Variants in DNAH3 observed in about 807,000 individuals in gnomAD.
DNAH3 encodes dynein axonemal heavy chain 3, also known as axonemal beta dynein heavy chain 3.
Under a neutral mutation model 432.5 loss-of-function variants are expected in DNAH3, and 332 were observed. That is an observed-to-expected ratio of 0.77 (90% confidence interval 0.70 to 0.84). DNAH3 has a LOEUF of 0.84. Among genes scored for constraint, DNAH3 ranks in the 40% least tolerant of loss-of-function variants. The probability of loss-of-function intolerance (pLI) is 0.00; values close to 1 mark genes in which losing one functional copy is unlikely to be tolerated. For synonymous variants in DNAH3, 1,956 were observed against 1,900.2 expected, an observed-to-expected ratio of 1.03 and a Z score of -0.76; for missense variants, 4,861 against 5,114.0, an observed-to-expected ratio of 0.95 and a Z score of 1.51.
intron 51 of DNAH3, 28 bp from the exon 52 acceptor site, chr16:20,970,018 T>C (rs1438581531): frequency 1.2e-6 from 2 of 1,609,900 alleles, no homozygotes; most frequent in South Asian, 2.2e-5. Flanking sequence ...ACAAAGGAGA[T>C]GAGTGCCCAG....
exon 36 of DNAH3, chr16:21,034,040 C>G (rs771043472): frequency 6.2e-7 from 1 of 1,613,806 alleles, no homozygotes; most frequent in Non-Finnish European, 8.5e-7. Context: ...CCCATGGGGT[C>G]TCCTACAATC....
intron 12 of DNAH3, among the ~76,000 whole-genome samples, chr16:21,115,713 TAATAAAATA>T (rs1044924101): frequency 4.6e-5 from 6 of 129,876 alleles, no homozygotes; most frequent in Non-Finnish European, 6.8e-5. Flanking sequence ...TCTCAAAAAA[TAATAAAATA>T]AATAAAATAA....
intron 56 of DNAH3, among the ~76,000 whole-genome samples, chr16:20,949,305 C>A (rs1364435984): frequency 6.9e-6 from 1 of 144,486 alleles, no homozygotes; most frequent in Non-Finnish European, 1.5e-5. Context: ...CCAGCCTGGG[C>A]AACAAGAGCG....
At chr16:21,003,257 G>T in intron 41 of DNAH3, 50 bp from the exon 42 acceptor site, 1 of 1,269,090 alleles carries the variant, frequency 7.9e-7, no homozygotes, top group Non-Finnish European at 1.1e-6. Flanking sequence ...GGCTTTACTT[G>T]CCTCCCATAT....
intron 43 of DNAH3, among the ~76,000 whole-genome samples, chr16:20,999,783 A>C (rs79531020): frequency 0.01 from 1,581 of 152,298 alleles, 32 homozygotes; most frequent in African/African-American, 0.035. Context: ...CACTGTGCTT[A>C]TTTCACAAAT....
intron 15 of DNAH3, among the ~76,000 whole-genome samples, chr16:21,105,224 C>T (rs2091919871): frequency 6.6e-6 from 1 of 152,148 alleles, no homozygotes; most frequent in South Asian, 2.1e-4. Flanking sequence ...CAGTCCCCAT[C>T]TCTCCCTCCC....
At chr16:20,962,680 G>T (rs2152619319) in intron 53 of DNAH3, among the ~76,000 whole-genome samples, 1 of 152,218 alleles carries the variant, frequency 6.6e-6, no homozygotes, top group East Asian at 1.9e-4. Flanking sequence ...TTTGGGGGGA[G>T]GGGGCAGGGT....
intron 59 of DNAH3, among the ~76,000 whole-genome samples, chr16:20,937,906 G>T (rs1389087451): frequency 6.6e-6 from 1 of 152,084 alleles, no homozygotes. Flanking sequence ...AAATTCACCT[G>T]CCTCTCCCTC....
intron 44 of DNAH3, among the ~76,000 whole-genome samples, chr16:20,996,001 G>T (rs1411807619): frequency 6.6e-6 from 1 of 152,218 alleles, no homozygotes; most frequent in African/African-American, 2.4e-5. Flanking sequence ...GCTGTCAGTG[G>T]TTTGCTGTCA....
At position 21,122,129 on chromosome 16, in the gene DNAH3, A is replaced by G. The variant is rs773390245; in HGVS notation, c.1405-5T>C. On this transcript the variant is annotated splice_region_variant and splice_polypyrimidine_tract_variant and intron_variant, in intron 9 of 61. Coordinates refer to ENST00000261383, the Ensembl canonical transcript of DNAH3. ...CTCCTTAAAATCATTCCCATCCTTC[A>G]GGAGACATAAGGTAGGGCAAGCGTT... is the stretch of plus-strand genomic sequence containing the variant. 3 of 1,604,912 alleles carry G rather than the reference A, an allele frequency of 1.9e-6. No homozygotes were observed. The highest frequency in any genetic ancestry group is 1.7e-4 in the Middle Eastern group (1 of 6,004).
At chr16:20,951,872 T>G (rs2084331530) in intron 56 of DNAH3, among the ~76,000 whole-genome samples, 1 of 150,730 alleles carries the variant, frequency 6.6e-6, no homozygotes, top group Non-Finnish European at 1.5e-5. Flanking sequence ...TCCCAAGGAG[T>G]AGCTGGGACT....
exon 25 of DNAH3, chr16:21,062,482 C>A: frequency 6.2e-7 from 1 of 1,613,972 alleles, no homozygotes. Flanking sequence ...GAGGAGTTAC[C>A]TTGGCATTAG....
At chr16:21,072,217 T>TTTAATTAATTAA (rs199648098) in intron 21 of DNAH3, among the ~76,000 whole-genome samples, 8 of 141,584 alleles carry the variant, frequency 5.7e-5, no homozygotes, top group African/African-American at 2.1e-4. Context: ...GGGACCTTTG[T>TTTAATTAATTAA]TTAATTAATT....
At chr16:20,952,343 T>G in intron 56 of DNAH3, 90 bp downstream of exon 56, 1 of 783,814 alleles carries the variant, frequency 1.3e-6, no homozygotes. Flanking sequence ...AGGGAGGGAG[T>G]ACATAAGTGA....
chr16:21,042,076 G>A (rs2089467893), exon 32 of DNAH3: 1 of 1,613,816 alleles, frequency 6.2e-7, no homozygotes, highest in Admixed American at 1.7e-5. Context: ...GGGGTTCATG[G>A]TGATGAACAC....
intron 50 of DNAH3, among the ~76,000 whole-genome samples, chr16:20,978,764 C>T (rs540595977): frequency 8.5e-5 from 13 of 152,134 alleles, no homozygotes; most frequent in Admixed American, 2.0e-4. Context: ...TGGTCTCAAG[C>T]GATCTCTTGG....
chr16:21,133,936 A>T (rs1332787709), intron 7 of DNAH3, among the ~76,000 whole-genome samples: 1 of 152,184 alleles, frequency 6.6e-6, no homozygotes, highest in African/African-American at 2.4e-5. Context: ...GGCACAGAAA[A>T]GTGATGCGAC....
intron 27 of DNAH3, among the ~76,000 whole-genome samples, chr16:21,057,833 A>T (rs531268079): frequency 5.9e-5 from 9 of 152,300 alleles, no homozygotes; most frequent in African/African-American, 2.2e-4. Flanking sequence ...AGCCAAGGGT[A>T]TAAGACTTAG....
exon 48 of DNAH3, chr16:20,985,466 C>A: frequency 6.2e-7 from 1 of 1,614,182 alleles, no homozygotes; most frequent in Non-Finnish European, 8.5e-7. Flanking sequence ...TGGCCTTTGT[C>A]CTGCTTCAGG....
Sources: gnomAD v4.1 joint callset for allele counts (sites outside exome capture counted in the v4.1 genomes callset) on GRCh38, gnomAD v4.1.1 for gene constraint, MANE v1.5 for transcripts, NCBI Gene and HGNC (gene_info 2026-07-23, HGNC 2026-07-21) for gene names.